The following MAP4K5 variants were observed in gnomAD, a reference collection of about 807,000 sequenced individuals.
The protein encoded by MAP4K5 is mitogen-activated protein kinase kinase kinase kinase 5, also known as MAPK/ERK kinase kinase kinase 5.
In MAP4K5, 82 loss-of-function variants were observed where a neutral mutation model predicts 135.6. The ratio of observed to expected loss-of-function variants is 0.60; its 90% CI spans 0.51 to 0.73. The LOEUF is 0.73. MAP4K5 is among the 30% of genes least tolerant of loss of function. The pLI is 0.00. For missense variants in MAP4K5, 907 were observed against 1,010.9 expected, an observed-to-expected ratio of 0.90 and a Z score of 1.39; for synonymous variants, 347 against 335.0, an observed-to-expected ratio of 1.04 and a Z score of -0.39.
chr14:50,428,212 C>G (rs554997771), intron 30 of MAP4K5, among the ~76,000 whole-genome samples: 1 of 151,858 alleles, frequency 6.6e-6, no homozygotes, highest in Non-Finnish European at 1.5e-5. Context: ...AGGTGCTTAA[C>G]AGCCATATAT....
intron 1 of MAP4K5, among the ~76,000 whole-genome samples, chr14:50,553,964 G>C (rs1202210188): frequency 6.6e-6 from 1 of 152,114 alleles, no homozygotes; most frequent in Non-Finnish European, 1.5e-5. Context: ...AGGGTCGGGA[G>C]GGTGAGCAAT....
chr14:50,556,432 G>T lies in MAP4K5; in HGVS notation c.-180+4608C>A, dbSNP rs569034129. 2.0e-4 allele frequency among the ~76,000 whole-genome samples: 30 copies of T among 151,844 alleles called. No individual in the cohort carries two copies. In the South Asian group the frequency reaches 2.5e-3, roughly 13 times the overall value. On this transcript the variant is annotated intron_variant, in intron 1 of 8. Transcript: ENST00000555216. ...GGGGTCTTTGTATGTTGTACAGGCTGGTCTCGAACTCCTGGCCTCAAGTGA... is the reference window on the plus strand; with the variant it reads ...GGGGTCTTTGTATGTTGTACAGGCTTGTCTCGAACTCCTGGCCTCAAGTGA...
chr14:50,484,418 A>T (rs1020529881), intron 5 of MAP4K5, among the ~76,000 whole-genome samples: 1 of 152,194 alleles, frequency 6.6e-6, no homozygotes, highest in Non-Finnish European at 1.5e-5. Flanking sequence ...TTAAAAGTTT[A>T]CTTCTGAGCT....
intron 3 of MAP4K5, 59 bp from the exon 4 acceptor site, chr14:50,486,253 G>C (rs2037361467): frequency 3.2e-6 from 2 of 629,448 alleles, no homozygotes; most frequent in South Asian, 4.0e-5. Flanking sequence ...ATGAAAAGAA[G>C]GAAGGAAAAC....
At chr14:50,531,308 A>G (rs2038381667) in intron 2 of MAP4K5, among the ~76,000 whole-genome samples, 1 of 152,266 alleles carries the variant, frequency 6.6e-6, no homozygotes. Context: ...TCTTGGTTAT[A>G]GGATGTTATA....
At chr14:50,493,560 A>T (rs1555356663) in intron 3 of MAP4K5, among the ~76,000 whole-genome samples, 1 of 152,206 alleles carries the variant, frequency 6.6e-6, no homozygotes, top group Non-Finnish European at 1.5e-5. Flanking sequence ...AAAATCCTAA[A>T]GTCCATTAAA....
chr14:50,486,893 A>G (rs1381224716), intron 3 of MAP4K5, among the ~76,000 whole-genome samples: 1 of 152,226 alleles, frequency 6.6e-6, no homozygotes, highest in African/African-American at 2.4e-5. Flanking sequence ...AAAAAAGTTC[A>G]GTGGTGTCCA....
rs2036541187 is a variant in MAP4K5 at position 50,453,739 on chromosome 14, C to T, written c.1015+2777G>A. On this transcript the variant is annotated intron_variant, in intron 14 of 32. Transcript: ENST00000682126. ...GACCTGATGTTCACCCTTTCAGATA[C>T]ATCCCTACTTTGCATTAAGTCATCA... 2.6e-5 allele frequency among the ~76,000 whole-genome samples: 4 copies of T among 152,132 alleles called. No homozygotes were observed. In the South Asian group the frequency reaches 8.3e-4, roughly 32 times the overall value.
chr14:50,462,546 T>C, intron 13 of MAP4K5, 119 bp downstream of exon 13: 1 of 679,702 alleles, frequency 1.5e-6, no homozygotes, highest in Non-Finnish European at 2.6e-6. Context: ...TTAATCTCTG[T>C]AGCTAAACCT....
intron 14 of MAP4K5, 152 bp downstream of exon 14, chr14:50,456,364 C>T (rs917798127): frequency 1.8e-5 from 11 of 616,194 alleles, no homozygotes; most frequent in Non-Finnish European, 2.9e-5. Context: ...GGAATTCCAT[C>T]GAAACCAGAA....
intron 2 of MAP4K5, among the ~76,000 whole-genome samples, chr14:50,522,809 T>C (rs2038179685): frequency 6.6e-6 from 1 of 152,210 alleles, no homozygotes; most frequent in Non-Finnish European, 1.5e-5. Flanking sequence ...TGTTTTGATA[T>C]CAAATGTCAG....
At chr14:50,522,534 C>G (rs1253604483) in intron 2 of MAP4K5, among the ~76,000 whole-genome samples, 1 of 152,082 alleles carries the variant, frequency 6.6e-6, no homozygotes, top group African/African-American at 2.4e-5. Context: ...AGCACATCAT[C>G]CCAATAAAAC....
At chr14:50,559,198 A>G (rs976625695) in intron 1 of MAP4K5, 1 of 152,270 alleles carries the variant, frequency 6.6e-6, no homozygotes, top group Non-Finnish European at 1.5e-5. Flanking sequence ...ACCATGAGGA[A>G]TTAGCAGAGA....
intron 10 of MAP4K5, among the ~76,000 whole-genome samples, chr14:50,467,357 AAAAT>A (rs1412681989): frequency 6.6e-6 from 1 of 152,082 alleles, no homozygotes; most frequent in Non-Finnish European, 1.5e-5. Flanking sequence ...ATTCAAAGGA[AAAAT>A]AAAAAAAACT....
At chr14:50,435,159 A>C (rs1408462155) in intron 26 of MAP4K5, 94 bp from the exon 27 acceptor site, 2 of 550,796 alleles carry the variant, frequency 3.6e-6, no homozygotes, top group Non-Finnish European at 6.3e-6. Flanking sequence ...GAGTGGGCAG[A>C]AAATAAAAAA....
At chr14:50,495,197 A>G (rs2037567509) in intron 3 of MAP4K5, among the ~76,000 whole-genome samples, 1 of 152,242 alleles carries the variant, frequency 6.6e-6, no homozygotes, top group African/African-American at 2.4e-5. Context: ...AATACCCAGA[A>G]TATATAAAGA....
At chr14:50,545,453 G>A (rs937003476) in intron 1 of MAP4K5, among the ~76,000 whole-genome samples, 25 of 152,180 alleles carry the variant, frequency 1.6e-4, no homozygotes, top group African/African-American at 6.0e-4. Flanking sequence ...GTGGTCGACG[G>A]CATCCATGTG....
intron 2 of MAP4K5, among the ~76,000 whole-genome samples, chr14:50,510,663 T>G (rs1035606032): frequency 1.3e-5 from 2 of 152,220 alleles, no homozygotes; most frequent in Admixed American, 6.5e-5. Context: ...TATGATGAAT[T>G]AAAGTATTTT....
intron 3 of MAP4K5, among the ~76,000 whole-genome samples, chr14:50,489,172 T>G (rs1047396645): frequency 6.6e-6 from 1 of 152,136 alleles, no homozygotes; most frequent in East Asian, 1.9e-4. Context: ...CTGGGCAACA[T>G]AGAGAGATCT....
Sources: gnomAD v4.1 joint callset for allele counts (sites outside exome capture counted in the v4.1 genomes callset) on GRCh38, gnomAD v4.1.1 for gene constraint, MANE v1.5 for transcripts, NCBI Gene and HGNC (gene_info 2026-07-23, HGNC 2026-07-21) for gene names.